Variants in UNG observed in about 807,000 individuals in gnomAD.
UNG encodes the protein uracil-DNA glycosylase.
Under a neutral mutation model 36.5 loss-of-function variants are expected in UNG, and 34 were observed. That is an observed-to-expected ratio of 0.93 (90% CI 0.71 to 1.24). The LOEUF is 1.24. UNG is among the 50% of genes most tolerant of loss of function. The probability of loss-of-function intolerance (pLI) is 0.00; values close to 1 mark genes in which losing one functional copy is unlikely to be tolerated. For synonymous variants in UNG, 172 were observed against 157.8 expected (o/e 1.09, Z -0.67); for missense variants, 391 against 397.6 (o/e 0.98, Z 0.14).
chr12:109,103,752 T>C (rs1012737329), intron 6 of UNG, 141 bp downstream of exon 6: 4 of 1,021,624 alleles, frequency 3.9e-6, no homozygotes, highest in East Asian at 5.3e-5. Flanking sequence ...AGGCCTGTTA[T>C]AAGGGTTTCC....
At chr12:109,102,188 T>C (rs2042183451) in intron 4 of UNG, among the ~76,000 whole-genome samples, 189 bp downstream of exon 4, 1 of 152,196 alleles carries the variant, frequency 6.6e-6, no homozygotes. Context: ...TCCTGTGCTA[T>C]TGCAGGATCT....
chr12:109,103,278 T>C (rs1418779087), intron 5 of UNG, among the ~76,000 whole-genome samples, 155 bp from the exon 6 acceptor site: 2 of 152,194 alleles, frequency 1.3e-5, no homozygotes, highest in Non-Finnish European at 2.9e-5. Context: ...TTGATGGTAG[T>C]GGCTGCTGCC....
chr12:109,103,224 G>C (rs1288472688), intron 5 of UNG, among the ~76,000 whole-genome samples: 2 of 152,140 alleles, frequency 1.3e-5, no homozygotes, highest in Non-Finnish European at 2.9e-5. Flanking sequence ...CCAAAGTGCT[G>C]GGATTACAGG....
rs386377711 is a variant in UNG, at chr12:109,102,947, AT to A, written c.622+42del. 166,898 of 941,434 alleles carry A rather than the reference AT, an allele frequency of 0.18. 7 individuals are homozygous for A. Among genetic ancestry groups the A allele is most frequent in the Middle Eastern group, 0.2 (591 of 3,014 alleles). The allele number at this position is 941,434 out of a possible 1,614,324, so 58.3% of individuals were successfully genotyped here. The stretch of plus-strand genomic sequence containing the variant: ...AGCAAGGTAAGCCAGCGACTGCTAG[AT>A]TTTTTTTTTTTTTTTTTTTTTGAGA... On this transcript the variant is annotated intron_variant, in intron 5 of 6. Coordinates refer to ENST00000242576, the MANE Select transcript of UNG (RefSeq NM_080911.3).
At position 109,102,005 on chromosome 12, in the gene UNG, G is replaced by C. The variant is rs55812333; in HGVS notation, c.533+6G>C. On this transcript the variant is annotated splice_donor_region_variant and intron_variant, in intron 4 of 6. Transcript: ENST00000242576. ...CCTGTTCCGCCTCCGCCCAGGTACA[G>C]TTGCTTTACAGGTGACTGCAGTCCA... 2 of 1,613,382 alleles carry C rather than the reference G, an allele frequency of 1.2e-6. No individual in the cohort carries two copies. Among genetic ancestry groups the C allele is most frequent in the Non-Finnish European group, 1.7e-6 (2 of 1,179,598 alleles).
intron 6 of UNG, among the ~76,000 whole-genome samples, chr12:109,106,289 A>C (rs748172139): frequency 2.0e-5 from 3 of 152,128 alleles, no homozygotes; most frequent in Non-Finnish European, 4.4e-5. Context: ...TGGTACAGCT[A>C]CTGAGGGTAG....
At chr12:109,103,370 G>A (rs144048893) in intron 5 of UNG, 63 bp from the exon 6 acceptor site, 5 of 1,491,732 alleles carry the variant, frequency 3.4e-6, no homozygotes, top group Admixed American at 1.7e-5. Flanking sequence ...TTTAGCTCCT[G>A]TTGCTGGGTA....
In UNG at chr12:109,108,652, A is replaced by T. The variant is rs534647670; in HGVS notation, c.802-1177A>T. Among the ~76,000 whole-genome samples, 10 of 152,246 alleles carry T rather than the reference A, an allele frequency of 6.6e-5. No homozygotes were observed. The South Asian group carries it at 1.9e-3, about 28-fold the overall frequency. ...ATCTCAAAAAATAAAAAATTAAAAA[A>T]AAAGATCTTGCTCTGTCACCCAGGC... On this transcript the variant is annotated intron_variant, in intron 6 of 6. Transcript: ENST00000242576.
In UNG at chr12:109,099,182, A is replaced by T. The variant is rs1566120224; in HGVS notation, c.340-7A>T. 6.2e-7 allele frequency: 1 copy of T among 1,611,790 alleles called. No individual in the cohort carries two copies. Among genetic ancestry groups the T allele is most frequent in the East Asian group, 2.2e-5 (1 of 44,870 alleles). Reference sequence around the variant, plus strand: ...CTGATTTTAAGTCTAGTTTATCTTTAAATCAGCTAATGGGATTTGTTGCAG... The same window carrying T: ...CTGATTTTAAGTCTAGTTTATCTTTTAATCAGCTAATGGGATTTGTTGCAG... On this transcript the variant is annotated splice_polypyrimidine_tract_variant and splice_region_variant and intron_variant, in intron 2 of 6. Transcript: ENST00000242576.
chr12:109,099,653 C>T (rs2042162573), intron 3 of UNG, among the ~76,000 whole-genome samples: 1 of 152,152 alleles, frequency 6.6e-6, no homozygotes, highest in South Asian at 2.1e-4. Flanking sequence ...ACCACACTGC[C>T]TTATAGTTAG....
chr12:109,103,541 A>G lies in UNG; in HGVS notation c.731A>G (p.Gln244Arg). ...FTDAVVSWLN[Q>R]NSNGLVFLLW... ...GATGCAGTTGTGTCCTGGCTAAATCAGAACTCGAATGGCCTTGTTTTCTTG... is the reference window on the plus strand; with the variant it reads ...GATGCAGTTGTGTCCTGGCTAAATCGGAACTCGAATGGCCTTGTTTTCTTG... The change falls in exon 6 of 7, where the codon CAG becomes CGG. Residue 244 changes from glutamine (Q) to arginine (R), a missense_variant. Coordinates refer to ENST00000242576, the MANE Select transcript of UNG (RefSeq NM_080911.3). 1 of 1,614,208 alleles carries G rather than the reference A, an allele frequency of 6.2e-7. No homozygotes were observed. The highest frequency in any genetic ancestry group is 8.5e-7 in the Non-Finnish European group (1 of 1,180,044).
At position 109,101,911 on chromosome 12, in the gene UNG, G is replaced by T. The variant is rs1245322882; in HGVS notation, c.445G>T (p.Val149Phe). The T allele has an allele frequency of 1.2e-6, 2 of 1,613,988 alleles. No homozygotes were observed. Among genetic ancestry groups the T allele is most frequent in the African/African-American group, 2.7e-5 (2 of 75,046 alleles). Reference protein sequence around the residue: ...QMCDIKDVKVVILGQDPYHGP... With the variant: ...QMCDIKDVKVFILGQDPYHGP... ...CCCTGGTGGTTCACAGGTGAAGGTTGTCATCCTGGGACAGGATCCATATCA... is the reference window on the plus strand; with the variant it reads ...CCCTGGTGGTTCACAGGTGAAGGTTTTCATCCTGGGACAGGATCCATATCA... The change falls in exon 4 of 7, where the codon GTC (valine) becomes TTC (phenylalanine). Residue 149 changes from valine (V) to phenylalanine (F), a missense_variant. Physicochemically the swap from Val to Phe is conservative, Grantham distance 50 (BLOSUM62 -1). Transcript: ENST00000242576.
At chr12:109,105,191 G>T (rs1371476068) in intron 6 of UNG, 1 of 152,212 alleles carries the variant, frequency 6.6e-6, no homozygotes, top group Non-Finnish European at 1.5e-5. Flanking sequence ...TAGGATTACA[G>T]ATGTAAGCCA....
rs576314853 is a variant in UNG at position 109,104,907 on chromosome 12, G to T, written c.801+1296G>T. Among the ~76,000 whole-genome samples, 3 of 152,204 alleles carry T rather than the reference G, an allele frequency of 2.0e-5. No homozygotes were observed. The East Asian group carries it at 5.8e-4, about 29-fold the overall frequency. On this transcript the variant is annotated intron_variant, in intron 6 of 6. Transcript: ENST00000242576. ...TATATTTAACCCCTACCTTGTGTGGGTACTAGGTTGAGCACTTTTGTTTTT... is the reference window on the plus strand; with the variant it reads ...TATATTTAACCCCTACCTTGTGTGGTTACTAGGTTGAGCACTTTTGTTTTT...
chr12:109,103,299 C>A, intron 5 of UNG, 134 bp from the exon 6 acceptor site: 1 of 870,016 alleles, frequency 1.1e-6, no homozygotes. Context: ...ATTATGCCGG[C>A]TGCAGCAGGG....
chr12:109,102,997 G>C (rs567846084), intron 5 of UNG, 70 bp downstream of exon 5: 1 of 1,179,310 alleles, frequency 8.5e-7, no homozygotes, highest in South Asian at 1.2e-5. Context: ...TGTTGCCCAG[G>C]CTAGAGTGCA....
At chr12:109,107,419 G>C in intron 6 of UNG, among the ~76,000 whole-genome samples, 1 of 151,808 alleles carries the variant, frequency 6.6e-6, no homozygotes, top group Non-Finnish European at 1.5e-5. Context: ...GCCCAGGCTG[G>C]CTCTTGAACT....
chr12:109,108,730 A>C (rs1348214186), intron 6 of UNG, among the ~76,000 whole-genome samples: 2 of 152,224 alleles, frequency 1.3e-5, no homozygotes, highest in East Asian at 1.9e-4. Context: ...TCCTGGGCTC[A>C]AGTGATCCTG....
intron 6 of UNG, among the ~76,000 whole-genome samples, chr12:109,106,889 A>ATATATATATGTGTG (rs2042219346): frequency 1.1e-3 from 1 of 924 alleles, no homozygotes; most frequent in African/African-American, 1.6e-3. Flanking sequence ...ATATATATAT[A>ATATATATATGTGTG]CACATATATA....
Sources: allele counts gnomAD v4.1 joint callset (sites outside exome capture counted in the v4.1 genomes callset), GRCh38; gene constraint gnomAD v4.1.1; transcripts MANE v1.5; gene names NCBI Gene and HGNC (gene_info 2026-07-23, HGNC 2026-07-21).